FASN: variants seen among roughly 807,000 people sequenced by gnomAD.
The protein encoded by FASN is fatty acid synthase.
FASN carries 50 observed loss-of-function variants against 250.0 expected under a neutral mutation model. The observed-to-expected ratio is 0.20, with a 90% CI of 0.16 to 0.25. The LOEUF (loss-of-function observed/expected upper bound fraction) is 0.25. Among genes scored for constraint, FASN ranks in the 10% least tolerant of loss-of-function variants. The pLI is 1.00. For missense variants in FASN, 3,031 were observed against 3,498.5 expected, an observed-to-expected ratio of 0.87 and a Z score of 3.37; for synonymous variants, 1,909 against 1,584.0, an observed-to-expected ratio of 1.21 and a Z score of -4.87.
In FASN at chr17:82,092,766, C is replaced by T. The variant is rs369599566; in HGVS notation, c.825G>A (p.Ser275=). 37 of 1,605,752 alleles carry T rather than the reference C, an allele frequency of 2.3e-5. No homozygotes were observed. The highest frequency in any genetic ancestry group is 1.2e-4 in the Admixed American group (7 of 59,534). ...SGDIQEQLIR[S]LYQSAGVAPE... The stretch of plus-strand genomic sequence containing the variant: ...GGGCCACTCCGGCCGACTGGTACAA[C>T]GAGCGGATGAGCTGCTCCTGGATAT... Residue 275 remains serine, a synonymous_variant, in exon 7 of 43, where the codon TCG becomes TCA. Transcript: ENST00000306749.
rs1428595145 is a variant in FASN at position 82,089,142 on chromosome 17, G to T, written c.2131C>A (p.Arg711Ser). The change falls in exon 14 of 43, where the codon CGC (arginine) becomes AGC (serine). Residue 711 changes from arginine (R) to serine (S), a missense_variant. Physicochemically the swap from Arg to Ser is moderately radical, Grantham distance 110. Coordinates refer to ENST00000306749, the MANE Select transcript of FASN (RefSeq NM_004104.5). ...TCGGGGATAGAGGTGCTGAGCCAGC[G>T]GGCTGAACGTGGCTTCGGCTCCCGG... Reference protein sequence around the residue: ...VIREPKPRSARWLSTSIPEAQ... With the variant: ...VIREPKPRSASWLSTSIPEAQ... The T allele has an allele frequency of 6.4e-7, 1 of 1,569,862 alleles. No individual in the cohort carries two copies. The highest frequency in any genetic ancestry group is 2.4e-5 in the East Asian group (1 of 41,762).
chr17:82,094,801 TAAATAA>T (rs1302779943), intron 3 of FASN, among the ~76,000 whole-genome samples: 1 of 149,080 alleles, frequency 6.7e-6, no homozygotes, highest in Non-Finnish European at 1.5e-5. Flanking sequence ...AATAAATAAA[TAAATAA>T]AAATAAAAAT....
At position 82,091,441 on chromosome 17, in the gene FASN, G is replaced by A. The variant is rs781366271; in HGVS notation, c.1273C>T (p.Arg425Trp). The change falls in exon 9 of 43, where the codon CGG becomes TGG. Residue 425 changes from arginine to tryptophan, a missense_variant. Transcript: ENST00000306749. ...APHATLPRLL[R>W]ASGRTPEAVQ... ...GCCTCAGGGGTGCGTCCGCTGGCCCGCAGCAGACGGGGCAGGGTGGCATGT... is the reference window on the plus strand; with the variant it reads ...GCCTCAGGGGTGCGTCCGCTGGCCCACAGCAGACGGGGCAGGGTGGCATGT... The A allele has an allele frequency of 2.4e-5, 39 of 1,607,110 alleles. No individual in the cohort carries two copies. The Admixed American group carries it at 5.2e-4, about 22-fold the overall frequency.
intron 29 of FASN, 33 bp from the exon 30 acceptor site, chr17:82,083,924 A>T (rs111826100): frequency 1.3e-6 from 2 of 1,551,624 alleles, no homozygotes; most frequent in Non-Finnish European, 1.7e-6. Context: ...CTGGTGAGCC[A>T]GGGCGGCGGG....
intron 9 of FASN, 36 bp from the exon 10 acceptor site, chr17:82,091,105 T>C: frequency 1.2e-6 from 2 of 1,606,890 alleles, no homozygotes; most frequent in Non-Finnish European, 8.5e-7. Context: ...CTCAGCCCCA[T>C]CCCGTGCCAC....
In FASN at chr17:82,081,664, C is replaced by A. The variant is rs750242031; in HGVS notation, c.6343G>T (p.Ala2115Ser). The A allele has an allele frequency of 3.7e-6, 6 of 1,612,798 alleles. No homozygotes were observed. The highest frequency in any genetic ancestry group is 2.5e-6 in the Non-Finnish European group (3 of 1,180,010). ...VLSSFVLAEK[A>S]AAYRDRDSQR... ...CTGTCCCTGTCCCTATAGGCCGCAG[C>A]CTTCTCAGCCAGCACAAAGCTGCTC... Residue 2115 changes from alanine (A) to serine (S), a missense_variant, in exon 37 of 43, where the codon GCT becomes TCT. Physicochemically the swap from Ala to Ser is moderately conservative, Grantham distance 99. Coordinates refer to ENST00000306749, the MANE Select transcript of FASN (RefSeq NM_004104.5).
chr17:82,094,513 G>C (rs115002870), intron 3 of FASN, among the ~76,000 whole-genome samples: 1 of 152,058 alleles, frequency 6.6e-6, no homozygotes, highest in Non-Finnish European at 1.5e-5. Flanking sequence ...TGGCATGGCT[G>C]GGCGTGGTGG....
In FASN at chr17:82,083,813, G is replaced by A. The variant is rs1206712630; in HGVS notation, c.5177C>T (p.Thr1726Ile). The change falls in exon 30 of 43, where the codon ACA becomes ATA. Residue 1726 changes from threonine (T) to isoleucine (I), a missense_variant. Coordinates refer to ENST00000306749, the MANE Select transcript of FASN (RefSeq NM_004104.5). The stretch of plus-strand genomic sequence containing the variant: ...CCACAGCACATGCTGCTCGAAGGAT[G>A]TGTCCCGGGAGTTGGCGAAGCTGGT... ...DSTSFANSRD[T>I]SFEQHVLWHT... The A allele has an allele frequency of 1.2e-6, 2 of 1,608,814 alleles. No homozygotes were observed. Among genetic ancestry groups the A allele is most frequent in the African/African-American group, 1.3e-5 (1 of 75,046 alleles).
chr17:82,085,385 G>C lies in FASN; in HGVS notation c.4140C>G (p.Leu1380=), dbSNP rs749603514. The change falls in exon 24 of 43, where the codon CTC becomes CTG. Residue 1380 remains leucine, a synonymous_variant. Transcript: ENST00000306749. ...GILSQDAWES[L]FSRVSLRLVG... The stretch of plus-strand genomic sequence containing the variant: ...CCAGGCGCAGCGACACCCTGGAGAA[G>C]AGGCTCTCCCACGCGTCCTGTGGGG... The C allele has an allele frequency of 6.2e-7, 1 of 1,611,266 alleles. No homozygotes were observed. Among genetic ancestry groups the C allele is most frequent in the East Asian group, 2.2e-5 (1 of 44,836 alleles).
At position 82,085,496 on chromosome 17, in the gene FASN, C is replaced by G; in HGVS notation, c.4108G>C (p.Gly1370Arg). The change falls in exon 23 of 43, where the codon GGC (glycine) becomes CGC (arginine). Residue 1370 changes from glycine to arginine, a missense_variant. Transcript: ENST00000306749. ...LTSTEPQYGQ[G>R]ILSQDAWESL... is the part of the protein sequence containing the mutation. ...GGCGGCCGCACCTGGCTCAGGATGC[C>G]CTGGCCATACTGCGGCTCAGTGGAG... 6.3e-7 allele frequency: 1 copy of G among 1,593,410 alleles called. No individual in the cohort carries two copies. Among genetic ancestry groups the G allele is most frequent in the Non-Finnish European group, 8.5e-7 (1 of 1,170,866 alleles).
In FASN at chr17:82,085,692, G is replaced by A. The variant is rs921637653; in HGVS notation, c.3912C>T (p.Pro1304=). The A allele has an allele frequency of 5.1e-6, 8 of 1,570,962 alleles. No homozygotes were observed. The highest frequency in any genetic ancestry group is 6.9e-6 in the Non-Finnish European group (8 of 1,159,054). Residue 1304 remains proline, a synonymous_variant, in exon 23 of 43, where the codon CCC becomes CCT. Coordinates refer to ENST00000306749, the MANE Select transcript of FASN (RefSeq NM_004104.5). ...GGAGGTCGGCGCTGCCCAGGGCGCT[G>A]GGGGCAGGGTCTGCGGGATCCCACT... ...QGQWDPADPA[P]SALGSADLLV...
At position 82,090,883 on chromosome 17, in the gene FASN, T is replaced by A. The variant is rs2144802028; in HGVS notation, c.1679A>T (p.Gln560Leu). ...ACACGCTGGCAGGCTGGGCCCTACC[T>A]GGATGGCAGTCAGGCTCACAAACGA... is the stretch of plus-strand genomic sequence containing the variant. Reference protein sequence around the residue: ...VHSFVSLTAIQIGLIDLLSCM... With the variant: ...VHSFVSLTAILIGLIDLLSCM... The change falls in exon 10 of 43, where the codon CAG becomes CTG. Residue 560 changes from glutamine (Q) to leucine (L), a missense_variant and splice_region_variant. Transcript: ENST00000306749. 6.3e-7 allele frequency: 1 copy of A among 1,583,466 alleles called. No individual in the cohort carries two copies. Among genetic ancestry groups the A allele is most frequent in the East Asian group, 2.3e-5 (1 of 42,698 alleles).
chr17:82,085,458 T>C (rs1465457027), intron 23 of FASN, 24 bp downstream of exon 23: 15 of 1,591,996 alleles, frequency 9.4e-6, no homozygotes, highest in Non-Finnish European at 1.3e-5. Flanking sequence ...GCCCCCACCC[T>C]GTCCCCCTGC....
intron 33 of FASN, 21 bp downstream of exon 33, chr17:82,082,893 C>T (rs1467107710): frequency 7.4e-6 from 12 of 1,612,194 alleles, no homozygotes; most frequent in South Asian, 1.1e-5. Context: ...GGCTGGTCCA[C>T]AAGCACCCCT....
intron 21 of FASN, 148 bp downstream of exon 21, chr17:82,086,902 G>T: frequency 2.4e-6 from 2 of 832,714 alleles, no homozygotes; most frequent in Non-Finnish European, 3.9e-6. Context: ...GAGGGAGGCC[G>T]CCATCGTGAG....
Position 82,091,513 on chromosome 17 carries a change from G to C in FASN, c.1201C>G (p.His401Asp). 1 of 1,603,850 alleles carries C rather than the reference G, an allele frequency of 6.2e-7. No individual in the cohort carries two copies. Among genetic ancestry groups the C allele is most frequent in the Non-Finnish European group, 8.5e-7 (1 of 1,176,120 alleles). The change falls in exon 9 of 43, where the codon CAC becomes GAC. Residue 401 changes from histidine to aspartate, a missense_variant. Coordinates refer to ENST00000306749, the MANE Select transcript of FASN (RefSeq NM_004104.5). ...TGCGTGTTGGGCCTCAGGATGATGT[G>C]CACGTTGGAGCCCCCGAAGCCAAAG... Reference protein sequence around the residue: ...NSFGFGGSNVHIILRPNTQPP... With the variant: ...NSFGFGGSNVDIILRPNTQPP...
Position 82,081,161 on chromosome 17 carries a change from C to T in FASN, c.6595+3G>A. ...CCACTCCCGCCTGGCCACCCACACG[C>T]ACCGCTGGCCTCATCCGCCTTTGAG... On this transcript the variant is annotated splice_donor_region_variant and intron_variant, in intron 38 of 42. Coordinates refer to ENST00000306749, the MANE Select transcript of FASN (RefSeq NM_004104.5). 1 of 1,578,012 alleles carries T rather than the reference C, an allele frequency of 6.3e-7. No homozygotes were observed. The highest frequency in any genetic ancestry group is 1.3e-5 in the African/African-American group (1 of 74,600).
chr17:82,081,005 G>A, intron 38 of FASN, 83 bp from the exon 39 acceptor site: 1 of 1,413,818 alleles, frequency 7.1e-7, no homozygotes, highest in East Asian at 2.5e-5. Flanking sequence ...ACGCACGCAG[G>A]TCCCCACGGT....
chr17:82,083,833 G>C lies in FASN; in HGVS notation c.5157C>G (p.Ser1719Arg), dbSNP rs2034036402. 1.9e-6 allele frequency: 3 copies of C among 1,604,044 alleles called. No individual in the cohort carries two copies. Among genetic ancestry groups the C allele is most frequent in the Non-Finnish European group, 2.6e-6 (3 of 1,176,374 alleles). Residue 1719 changes from serine (S) to arginine (R), a missense_variant, in exon 30 of 43, where the codon AGC becomes AGG. By Grantham distance (110) the Ser-to-Arg change is moderately radical. Coordinates refer to ENST00000306749, the MANE Select transcript of FASN (RefSeq NM_004104.5). ...AGGATGTGTCCCGGGAGTTGGCGAA[G>C]CTGGTGCTGTCGAGCTGGGGGAACC... is the stretch of plus-strand genomic sequence containing the variant. ...QARFPQLDST[S>R]FANSRDTSFE...
Sources: allele counts gnomAD v4.1 joint callset (sites outside exome capture counted in the v4.1 genomes callset), GRCh38; gene constraint gnomAD v4.1.1; transcripts MANE v1.5; gene names NCBI Gene and HGNC (gene_info 2026-07-23, HGNC 2026-07-21).